CEP85L: variants seen among roughly 807,000 people sequenced by gnomAD.
CEP85L encodes centrosomal protein 85L.
A neutral mutation model predicts 100.3 loss-of-function variants in CEP85L; 60 were observed. The observed-to-expected ratio is 0.60, with a 90% CI of 0.49 to 0.74. CEP85L has a LOEUF of 0.74. Ranked by LOEUF, CEP85L falls within the 30% of genes least tolerant of loss-of-function variation. The pLI is 0.00. For synonymous variants in CEP85L, 319 were observed against 322.7 expected (o/e 0.99, Z 0.12); for missense variants, 973 against 936.2 (o/e 1.04, Z -0.51).
chr6:118,557,767 T>C (rs577666240), intron 3 of CEP85L, among the ~76,000 whole-genome samples: 1 of 152,180 alleles, frequency 6.6e-6, no homozygotes, highest in Non-Finnish European at 1.5e-5. Context: ...ACGGTGATCA[T>C]ACAAATGCAT....
intron 5 of CEP85L, chr6:118,501,519 T>A: frequency 2.1e-6 from 1 of 484,572 alleles, no homozygotes; most frequent in Non-Finnish European, 4.0e-6. Context: ...TACTCCATCA[T>A]CATTAAACAC....
intron 2 of CEP85L, among the ~76,000 whole-genome samples, chr6:118,604,007 G>A (rs1168848268): frequency 2.0e-5 from 3 of 152,144 alleles, no homozygotes; most frequent in East Asian, 1.9e-4. Flanking sequence ...TAGAATTATA[G>A]GAGTTTCCCA....
chr6:118,634,481 A>T (rs1470867665), intron 1 of CEP85L, among the ~76,000 whole-genome samples: 2 of 152,314 alleles, frequency 1.3e-5, no homozygotes, highest in South Asian at 2.1e-4. Context: ...AAAGTATATA[A>T]GCAGCCTTAA....
chr6:118,667,102 T>A (rs1776155829), intron 1 of CEP85L, among the ~76,000 whole-genome samples: 1 of 152,208 alleles, frequency 6.6e-6, no homozygotes, highest in Non-Finnish European at 1.5e-5. Flanking sequence ...GAAAGAGGGA[T>A]CCTTCGGGTC....
chr6:118,475,589 C>T (rs949048253), intron 10 of CEP85L, among the ~76,000 whole-genome samples: 4 of 151,958 alleles, frequency 2.6e-5, no homozygotes, highest in East Asian at 1.9e-4. Context: ...CTCCTAACCT[C>T]ATGATCCGCC....
At chr6:118,609,159 T>C (rs1460792694) in intron 2 of CEP85L, among the ~76,000 whole-genome samples, 1 of 152,214 alleles carries the variant, frequency 6.6e-6, no homozygotes, top group African/African-American at 2.4e-5. Context: ...TAAAAGCCTG[T>C]GTGTATGTGA....
intron 2 of CEP85L, among the ~76,000 whole-genome samples, chr6:118,584,326 G>A (rs965175413): frequency 5.3e-5 from 8 of 152,304 alleles, no homozygotes; most frequent in Non-Finnish European, 1.0e-4. Context: ...GGAGGGAGTT[G>A]AGAATATTTC....
intron 5 of CEP85L, chr6:118,502,032 A>G (rs1367228015): frequency 1.2e-6 from 1 of 831,508 alleles, no homozygotes; most frequent in Non-Finnish European, 2.0e-6. Context: ...GAAGAAAACC[A>G]GATGGAACAA....
intron 2 of CEP85L, among the ~76,000 whole-genome samples, chr6:118,575,649 GA>G (rs1386714652): frequency 1.3e-5 from 2 of 152,170 alleles, no homozygotes; most frequent in Non-Finnish European, 1.5e-5. Context: ...AGATGGAAGG[GA>G]AATGTTGTCT....
chr6:118,528,600 A>G (rs1245616179), intron 3 of CEP85L, among the ~76,000 whole-genome samples: 1 of 152,186 alleles, frequency 6.6e-6, no homozygotes, highest in Admixed American at 6.5e-5. Flanking sequence ...ACCCTGATTC[A>G]TAAAATAGTT....
rs539260639 is a variant in CEP85L, at chr6:118,477,229, C to A, written c.1914+2642G>T. On this transcript the variant is annotated intron_variant, in intron 10 of 12. Coordinates refer to ENST00000368491, the MANE Select transcript of CEP85L (RefSeq NM_001042475.3). ...ATGCCAGTTAACAATATGACCTTGACAGCTGAAAAAAACAGTAGATAAATC... is the reference window on the plus strand; with the variant it reads ...ATGCCAGTTAACAATATGACCTTGAAAGCTGAAAAAAACAGTAGATAAATC... 3.9e-5 allele frequency among the ~76,000 whole-genome samples: 6 copies of A among 152,180 alleles called. No individual in the cohort carries two copies. In the South Asian group the frequency reaches 1.0e-3, roughly 26 times the overall value.
At chr6:118,665,902 C>T (rs1261501523) in intron 1 of CEP85L, among the ~76,000 whole-genome samples, 1 of 152,178 alleles carries the variant, frequency 6.6e-6, no homozygotes. Flanking sequence ...GTCTCCTTTA[C>T]ATCCCCCTGG....
intron 2 of CEP85L, among the ~76,000 whole-genome samples, chr6:118,617,220 TA>T (rs1773120248): frequency 6.6e-6 from 1 of 152,086 alleles, no homozygotes; most frequent in Non-Finnish European, 1.5e-5. Context: ...TGAGGTATAA[TA>T]TATGCTTAAA....
intron 1 of CEP85L, among the ~76,000 whole-genome samples, chr6:118,705,568 G>A (rs988756496): frequency 2.6e-5 from 4 of 152,204 alleles, no homozygotes; most frequent in Non-Finnish European, 5.9e-5. Context: ...GTTGAGTTGT[G>A]AGGAAGCTAC....
intron 6 of CEP85L, among the ~76,000 whole-genome samples, chr6:118,490,038 AAG>A (rs1048574352): frequency 4.6e-5 from 7 of 152,124 alleles, no homozygotes; most frequent in Non-Finnish European, 8.8e-5. Context: ...AAACTTTGAA[AAG>A]AGAAATCCCA....
At chr6:118,498,580 T>G (rs1254921494) in intron 5 of CEP85L, among the ~76,000 whole-genome samples, 1 of 117,200 alleles carries the variant, frequency 8.5e-6, no homozygotes, top group Non-Finnish European at 1.6e-5. Flanking sequence ...GGAAACATAG[T>G]GAGACCCAAT....
At chr6:118,583,320 T>G in intron 2 of CEP85L, among the ~76,000 whole-genome samples, 1 of 152,116 alleles carries the variant, frequency 6.6e-6, no homozygotes, top group South Asian at 2.1e-4. Context: ...AGTCTCTTGC[T>G]CCTCCTCTCT....
chr6:118,679,594 AATG>A (rs1339041372), intron 1 of CEP85L, among the ~76,000 whole-genome samples: 107 of 152,336 alleles, frequency 7.0e-4, no homozygotes, highest in Non-Finnish European at 1.8e-4. Flanking sequence ...CTACTTATGC[AATG>A]CTAGTGTAAG....
At chr6:118,553,016 T>C (rs1778641686) in intron 3 of CEP85L, among the ~76,000 whole-genome samples, 1 of 152,090 alleles carries the variant, frequency 6.6e-6, no homozygotes, top group Admixed American at 6.5e-5. Flanking sequence ...TTGTCATTCT[T>C]TTAATAAAAG....
Sources: gnomAD v4.1 joint callset for allele counts (sites outside exome capture counted in the v4.1 genomes callset) on GRCh38, gnomAD v4.1.1 for gene constraint, MANE v1.5 for transcripts, NCBI Gene and HGNC (gene_info 2026-07-23, HGNC 2026-07-21) for gene names.